Variants in RALGAPA1 observed in about 807,000 individuals in gnomAD.
RALGAPA1 encodes Ral GTPase activating protein catalytic subunit alpha 1, also known as ral GTPase-activating protein subunit alpha-1.
RALGAPA1 carries 52 observed loss-of-function variants against 269.6 expected under a neutral mutation model. The observed-to-expected ratio is 0.19, with a 90% CI of 0.15 to 0.24. The LOEUF is 0.24. RALGAPA1 is among the 10% of genes least tolerant of loss of function. RALGAPA1 has a pLI of 1.00. For synonymous variants in RALGAPA1, 817 were observed against 1,008.3 expected, an observed-to-expected ratio of 0.81 and a Z score of 3.60; for missense variants, 1,917 against 3,013.9, an observed-to-expected ratio of 0.64 and a Z score of 8.52.
chr14:35,646,270 T>C (rs1393016376), intron 31 of RALGAPA1, among the ~76,000 whole-genome samples: 2 of 152,190 alleles, frequency 1.3e-5, no homozygotes, highest in African/African-American at 2.4e-5. Context: ...TCTCAAAGTA[T>C]TGTCTTACAA....
chr14:35,568,597 C>T (rs1235194117), intron 39 of RALGAPA1, among the ~76,000 whole-genome samples: 3 of 152,080 alleles, frequency 2.0e-5, no homozygotes, highest in Non-Finnish European at 4.4e-5. Context: ...ATGGGTTTCA[C>T]AAATCATTCT....
At position 35,715,692 on chromosome 14, in the gene RALGAPA1, G is replaced by A. The variant is rs1224959389; in HGVS notation, c.2266+5996C>T. The A allele has an allele frequency of 6.1e-6, 6 of 982,898 alleles. No individual in the cohort carries two copies. The African/African-American group carries it at 8.8e-5, about 14-fold the overall frequency. The allele number at this position is 982,898 out of a possible 1,614,324, so 60.9% of individuals were successfully genotyped here. A position where few individuals can be genotyped will look rare whatever the true frequency, so the allele number is the denominator to read the frequency against. ...TTTGTGTTTGCTTGTACAACTGTCA[G>A]GAAGCATTACTGACCTGAAATTAAC... On this transcript the variant is annotated intron_variant, in intron 16 of 41. Transcript: ENST00000680220.
At chr14:35,654,620 C>A (rs887169321) in intron 29 of RALGAPA1, 143 bp from the exon 30 acceptor site, 2 of 1,023,672 alleles carry the variant, frequency 2.0e-6, no homozygotes, top group Non-Finnish European at 2.7e-6. Flanking sequence ...TCTCTAGCTG[C>A]AAAATAAAAA....
At chr14:35,805,943 C>A (rs899215908) in intron 1 of RALGAPA1, among the ~76,000 whole-genome samples, 6 of 152,054 alleles carry the variant, frequency 3.9e-5, no homozygotes, top group Non-Finnish European at 7.4e-5. Context: ...CCACCTCGGC[C>A]TCCCCAAGTC....
At chr14:35,707,561 T>C (rs1227089105) in intron 16 of RALGAPA1, 2 of 152,250 alleles carry the variant, frequency 1.3e-5, no homozygotes, top group Non-Finnish European at 2.9e-5. Context: ...ATTGATGTGA[T>C]CATATGGCTT....
At chr14:35,752,626 TGAGGAGG>T (rs1437368884) in intron 7 of RALGAPA1, among the ~76,000 whole-genome samples, 1 of 149,980 alleles carries the variant, frequency 6.7e-6, no homozygotes, top group Non-Finnish European at 1.5e-5. Context: ...CTGAGAGGAG[TGAGGAGG>T]GTGTCCATGA....
At chr14:35,654,269 A>C (rs2063032129) in intron 30 of RALGAPA1, 98 bp downstream of exon 30, 2 of 1,275,588 alleles carry the variant, frequency 1.6e-6, no homozygotes, top group South Asian at 3.9e-5. Flanking sequence ...TTAGCTATGC[A>C]AAAAAATTTT....
intron 37 of RALGAPA1, 48 bp from the exon 38 acceptor site, chr14:35,572,766 TAC>T: frequency 7.7e-7 from 1 of 1,304,276 alleles, no homozygotes; most frequent in East Asian, 2.5e-5. Flanking sequence ...GCTCTTTGAG[TAC>T]AGTCATACAG....
chr14:35,777,153 T>C (rs1449592964), intron 1 of RALGAPA1, among the ~76,000 whole-genome samples: 1 of 152,174 alleles, frequency 6.6e-6, no homozygotes, highest in East Asian at 1.9e-4. Flanking sequence ...TGTAATAATA[T>C]ATTTTGTTAA....
intron 31 of RALGAPA1, 33 bp downstream of exon 31, chr14:35,651,772 C>T: frequency 6.4e-7 from 1 of 1,553,144 alleles, no homozygotes; most frequent in Non-Finnish European, 8.7e-7. Context: ...ACTAAATAAC[C>T]ACATACTAAT....
chr14:35,623,799 G>A (rs2060801354), intron 35 of RALGAPA1, among the ~76,000 whole-genome samples: 1 of 152,154 alleles, frequency 6.6e-6, no homozygotes, highest in Non-Finnish European at 1.5e-5. Flanking sequence ...TTATTTTTAG[G>A]CCGGGCGCGG....
intron 39 of RALGAPA1, among the ~76,000 whole-genome samples, chr14:35,567,608 T>G (rs2056817640): frequency 6.6e-6 from 1 of 152,042 alleles, no homozygotes; most frequent in Non-Finnish European, 1.5e-5. Context: ...ATACCTTTAG[T>G]GTAACATGAA....
At chr14:35,573,867 C>T (rs2057380580) in intron 37 of RALGAPA1, among the ~76,000 whole-genome samples, 1 of 152,110 alleles carries the variant, frequency 6.6e-6, no homozygotes, top group South Asian at 2.1e-4. Context: ...TAAAAATATC[C>T]TTCCTATACA....
At chr14:35,720,032 G>A (rs796803864) in intron 16 of RALGAPA1, among the ~76,000 whole-genome samples, 1 of 151,968 alleles carries the variant, frequency 6.6e-6, no homozygotes, top group Non-Finnish European at 1.5e-5. Context: ...GATTACAGGC[G>A]TAAGCCACCG....
At chr14:35,728,576 G>T in intron 12 of RALGAPA1, 66 bp from the exon 13 acceptor site, 2 of 1,491,888 alleles carry the variant, frequency 1.3e-6, no homozygotes, top group Non-Finnish European at 1.8e-6. Context: ...TATTCAAAGA[G>T]AAACAGACAC....
At chr14:35,586,438 T>C (rs2058293973) in intron 37 of RALGAPA1, among the ~76,000 whole-genome samples, 1 of 152,180 alleles carries the variant, frequency 6.6e-6, no homozygotes, top group Admixed American at 6.5e-5. Context: ...GAACACCCTT[T>C]ATTTCTTTCT....
chr14:35,758,493 T>G (rs2073397731), intron 6 of RALGAPA1, among the ~76,000 whole-genome samples: 1 of 151,974 alleles, frequency 6.6e-6, no homozygotes, highest in Admixed American at 6.6e-5. Context: ...AAAGCAAAAC[T>G]TCTATTCTTA....
At chr14:35,574,876 G>A (rs1046796780) in intron 37 of RALGAPA1, among the ~76,000 whole-genome samples, 16 of 151,904 alleles carry the variant, frequency 1.1e-4, no homozygotes, top group African/African-American at 1.9e-4. Flanking sequence ...CTTGCAATCC[G>A]AGCACTCTGG....
chr14:35,636,270 T>C (rs1395662858), intron 31 of RALGAPA1, among the ~76,000 whole-genome samples: 1 of 152,190 alleles, frequency 6.6e-6, no homozygotes, highest in Non-Finnish European at 1.5e-5. Flanking sequence ...AAATGTAGAA[T>C]ACAATAGCAG....
Sources: gnomAD v4.1 joint callset for allele counts (sites outside exome capture counted in the v4.1 genomes callset) on GRCh38, gnomAD v4.1.1 for gene constraint, MANE v1.5 for transcripts, NCBI Gene and HGNC (gene_info 2026-07-23, HGNC 2026-07-21) for gene names.